Variants in IMMT observed in about 807,000 individuals in gnomAD.
IMMT encodes the protein inner membrane mitochondrial protein, also known as MICOS complex subunit MIC60.
A neutral mutation model predicts 92.7 loss-of-function variants in IMMT; 40 were observed. The observed-to-expected ratio is 0.43, with a 90% confidence interval of 0.34 to 0.56. The LOEUF (loss-of-function observed/expected upper bound fraction) is 0.56. Ranked by LOEUF, IMMT falls within the 20% of genes least tolerant of loss-of-function variation. IMMT has a pLI of 0.03. For missense variants in IMMT, 831 were observed against 912.1 expected (o/e 0.91, Z 1.14); for synonymous variants, 322 against 336.1 (o/e 0.96, Z 0.46).
chr2:86,179,351 G>C, intron 3 of IMMT, 82 bp downstream of exon 3: 5 of 1,174,492 alleles, frequency 4.3e-6, no homozygotes, highest in Non-Finnish European at 5.9e-6. Context: ...AATACCAAAA[G>C]ACAACTGTAT....
rs778562251 is a variant in IMMT, at chr2:86,179,581, A to G, written c.161T>C (p.Val54Ala). 1 of 1,602,828 alleles carries G rather than the reference A, an allele frequency of 6.2e-7. No homozygotes were observed. Among genetic ancestry groups the G allele is most frequent in the East Asian group, 2.2e-5 (1 of 44,790 alleles). Residue 54 changes from valine (V) to alanine (A), a missense_variant, in exon 3 of 15, where the codon GTT (valine) becomes GCT (alanine). Coordinates refer to ENST00000410111, the MANE Select transcript of IMMT (RefSeq NM_006839.3). ...GKIAGAGLLFVGGGIGGTILY... is the reference protein window; with the variant it reads ...GKIAGAGLLFAGGGIGGTILY... ...GATAGTGCCACCAATACCTCCACCA[A>G]CAAACAAAAGGCCAGCTCCAGCAAT...
rs70953998 is a variant in IMMT at position 86,163,959 on chromosome 2, C to CAAAAAAAAAAAAAAA, written c.793-1881_793-1880insTTTTTTTTTTTTTTT. On this transcript the variant is annotated intron_variant, in intron 7 of 14. Transcript: ENST00000410111. Reference sequence around the variant, plus strand: ...GGGCAACAAAGCAAGACTCCATCTCCAAAAAAAAAGAATGTTCTATGTAAA... The same window carrying CAAAAAAAAAAAAAAA: ...GGGCAACAAAGCAAGACTCCATCTCCAAAAAAAAAAAAAAAAAAAAAAAAGAATGTTCTATGTAAA... Among the ~76,000 whole-genome samples the CAAAAAAAAAAAAAAA allele has an allele frequency of 1.4e-3, 126 of 91,794 alleles. 7 individuals carry two copies. The highest frequency in any genetic ancestry group is 2.2e-3 in the South Asian group (6 of 2,694). The allele number at this position is 91,794 out of a possible 152,430, so 60.2% of individuals were successfully genotyped here.
At chr2:86,163,901 G>C (rs1389742076) in intron 7 of IMMT, among the ~76,000 whole-genome samples, 1 of 135,420 alleles carries the variant, frequency 7.4e-6, no homozygotes, top group Non-Finnish European at 1.5e-5. Flanking sequence ...AGAGGTTGCA[G>C]TGAGCCGAGA....
chr2:86,173,414 C>A, intron 4 of IMMT: 1 of 386,532 alleles, frequency 2.6e-6, no homozygotes, highest in Non-Finnish European at 4.7e-6. Flanking sequence ...AACTCCGCCT[C>A]TACTAAAAAT....
In IMMT at chr2:86,195,407, G is replaced by A. The variant is rs375906899; in HGVS notation, c.-25C>T. Reference sequence around the variant, plus strand: ...TCTCGGTCAAGCGGACGGCGCTGCTGGTGGACTCGAGCTGCCGCGGCGGCG... The same window carrying A: ...TCTCGGTCAAGCGGACGGCGCTGCTAGTGGACTCGAGCTGCCGCGGCGGCG... On this transcript the variant is annotated 5_prime_UTR_variant, in exon 1 of 15. Coordinates refer to ENST00000410111, the MANE Select transcript of IMMT (RefSeq NM_006839.3). 14 of 1,545,736 alleles carry A rather than the reference G, an allele frequency of 9.1e-6. 1 individual carries two copies. The highest frequency in any genetic ancestry group is 2.4e-5 in the South Asian group (2 of 83,368).
intron 1 of IMMT, 33 bp downstream of exon 1, chr2:86,195,305 T>C (rs1216834362): frequency 6.6e-7 from 1 of 1,523,742 alleles, no homozygotes; most frequent in Non-Finnish European, 8.8e-7. Flanking sequence ...TAGTTCAGCC[T>C]CCTCACGCGC....
At chr2:86,162,855 T>A (rs1676396343) in intron 7 of IMMT, among the ~76,000 whole-genome samples, 1 of 151,992 alleles carries the variant, frequency 6.6e-6, no homozygotes, top group African/African-American at 2.4e-5. Context: ...AAAAAAGTTT[T>A]CCTTGAAAAT....
At chr2:86,185,575 A>G (rs946214799) in intron 1 of IMMT, among the ~76,000 whole-genome samples, 2 of 152,184 alleles carry the variant, frequency 1.3e-5, no homozygotes. Context: ...TAAAGGTGTT[A>G]CCTACAGCAG....
intron 10 of IMMT, among the ~76,000 whole-genome samples, chr2:86,154,176 C>CTTT (rs564650860): frequency 5.9e-5 from 8 of 136,118 alleles, no homozygotes; most frequent in African/African-American, 8.3e-5. Context: ...CTAAACATTT[C>CTTT]TTTTTTTTTT....
At chr2:86,153,940 A>G (rs7608547) in intron 10 of IMMT, among the ~76,000 whole-genome samples, 69,800 of 151,882 alleles carry the variant, frequency 0.46, 16,585 homozygotes, top group Non-Finnish European at 0.51. Context: ...TCAGGTCACC[A>G]CAACCTCCAC....
chr2:86,162,490 C>T (rs1013180952), intron 7 of IMMT, among the ~76,000 whole-genome samples: 1 of 151,670 alleles, frequency 6.6e-6, no homozygotes, highest in Non-Finnish European at 1.5e-5. Flanking sequence ...ACATATAAGT[C>T]AACTATTGTC....
intron 12 of IMMT, among the ~76,000 whole-genome samples, chr2:86,150,417 A>C (rs1201012760): frequency 6.6e-6 from 1 of 152,226 alleles, no homozygotes; most frequent in East Asian, 1.9e-4. Context: ...AGGAGTGGCC[A>C]GCAAGGTAAG....
rs1392394495 is a variant in IMMT, at chr2:86,166,516, T to C, written c.784A>G (p.Asn262Asp). Residue 262 changes from asparagine (N) to aspartate (D), a missense_variant, in exon 7 of 15, where the codon AAT becomes GAT. Physicochemically the swap from Asn to Asp is conservative, Grantham distance 23. Coordinates refer to ENST00000410111, the MANE Select transcript of IMMT (RefSeq NM_006839.3). ...TCATTCATTGGGCTCACCTCAGAAT[T>C]GTCCATGGCGGCTTTCAATATGTTG... ...HSNILKAAMD[N>D]SEIAGEKKSA... 1 of 1,609,742 alleles carries C rather than the reference T, an allele frequency of 6.2e-7. No individual in the cohort carries two copies. Among genetic ancestry groups the C allele is most frequent in the Non-Finnish European group, 8.5e-7 (1 of 1,178,818 alleles).
intron 1 of IMMT, among the ~76,000 whole-genome samples, chr2:86,186,246 G>A (rs774335418): frequency 2.6e-5 from 4 of 152,152 alleles, no homozygotes; most frequent in Non-Finnish European, 5.9e-5. Context: ...ATTAGACTCT[G>A]GAGAGTCTTG....
chr2:86,154,022 C>T (rs916168259), intron 10 of IMMT, among the ~76,000 whole-genome samples: 2 of 151,942 alleles, frequency 1.3e-5, no homozygotes, highest in African/African-American at 4.8e-5. Flanking sequence ...GCCACCATAC[C>T]CGGCTAATTT....
At chr2:86,146,311 G>A (rs6724856) in intron 13 of IMMT, 114 bp from the exon 14 acceptor site, 7,263 of 717,266 alleles carry the variant, frequency 0.01, 309 homozygotes, top group African/African-American at 0.099. Context: ...GAGTTGTCAC[G>A]AAATTCCTAC....
At chr2:86,184,719 G>A (rs1672642042) in intron 1 of IMMT, among the ~76,000 whole-genome samples, 1 of 150,852 alleles carries the variant, frequency 6.6e-6, no homozygotes, top group African/African-American at 2.4e-5. Context: ...GAGCCTGTTG[G>A]TGAGGGCTTA....
rs563731417 is a variant in IMMT, at chr2:86,155,666, G to A, written c.1163-2092C>T. Among the ~76,000 whole-genome samples the A allele has an allele frequency of 2.6e-5, 4 of 152,298 alleles. No individual in the cohort carries two copies. The South Asian group carries it at 6.2e-4, about 24-fold the overall frequency. ...AGTGAACATCATCAGGACATTTGTC[G>A]TTTAGGGAAATAATAAGAGCAATCC... On this transcript the variant is annotated intron_variant, in intron 10 of 14. Coordinates refer to ENST00000410111, the MANE Select transcript of IMMT (RefSeq NM_006839.3).
chr2:86,164,508 T>C (rs555074981), intron 7 of IMMT, among the ~76,000 whole-genome samples: 1 of 151,782 alleles, frequency 6.6e-6, no homozygotes, highest in South Asian at 2.1e-4. Flanking sequence ...CTGGCCAACA[T>C]AGTGAAACCC....
Sources: gnomAD v4.1 joint callset for allele counts (sites outside exome capture counted in the v4.1 genomes callset) on GRCh38, gnomAD v4.1.1 for gene constraint, MANE v1.5 for transcripts, NCBI Gene and HGNC (gene_info 2026-07-23, HGNC 2026-07-21) for gene names.